SCAPER: variants seen among roughly 807,000 people sequenced by gnomAD.
The protein encoded by SCAPER is S-phase cyclin A associated protein in the ER.
A neutral mutation model predicts 182.2 loss-of-function variants in SCAPER; 98 were observed. The ratio of observed to expected loss-of-function variants is 0.54; its 90% confidence interval spans 0.46 to 0.64. SCAPER has a LOEUF of 0.64. SCAPER is among the 30% of genes least tolerant of loss of function. The pLI is 0.00. For synonymous variants in SCAPER, 605 were observed against 564.6 expected (o/e 1.07, Z -1.01); for missense variants, 1,432 against 1,690.0 (o/e 0.85, Z 2.68).
chr15:76,860,410 A>G (rs1440459318), intron 3 of SCAPER, among the ~76,000 whole-genome samples: 1 of 152,190 alleles, frequency 6.6e-6, no homozygotes. Flanking sequence ...TTTGTGATTC[A>G]AAACAATGTT....
chr15:76,605,594 A>G (rs897106520), intron 22 of SCAPER, among the ~76,000 whole-genome samples: 1 of 152,210 alleles, frequency 6.6e-6, no homozygotes, highest in Non-Finnish European at 1.5e-5. Flanking sequence ...TTTCAGAAGG[A>G]ATGGTAGCAG....
chr15:76,717,706 C>A (rs1433800715), intron 17 of SCAPER, among the ~76,000 whole-genome samples: 1 of 152,030 alleles, frequency 6.6e-6, no homozygotes, highest in East Asian at 1.9e-4. Flanking sequence ...ATAAAGAGAT[C>A]ATTATTTAAT....
Position 76,722,996 on chromosome 15 carries a change from C to T in SCAPER, c.2165+5599G>A, listed in dbSNP as rs527971503. ...CTTTTGAATGTGTTTGCTCTTGCTT[C>T]TCTGGTTCTTTTAATTGTGATGTTA... On this transcript the variant is annotated intron_variant, in intron 17 of 31. Transcript: ENST00000563290. Among the ~76,000 whole-genome samples the T allele has an allele frequency of 3.5e-4, 54 of 152,132 alleles. 3 individuals are homozygous for T. In the South Asian group the frequency reaches 0.011, roughly 32 times the overall value.
At chr15:76,826,420 G>T (rs2151684260) in intron 5 of SCAPER, among the ~76,000 whole-genome samples, 1 of 111,808 alleles carries the variant, frequency 8.9e-6, no homozygotes. Flanking sequence ...TGTGGGGTGG[G>T]GGGAGGGGGG....
intron 23 of SCAPER, among the ~76,000 whole-genome samples, chr15:76,547,211 T>C (rs1466073058): frequency 1.3e-5 from 2 of 152,162 alleles, no homozygotes; most frequent in Admixed American, 6.6e-5. Flanking sequence ...TTTAGTATTT[T>C]GAACTTTCAA....
chr15:76,432,152 C>A (rs1222965619), intron 26 of SCAPER, among the ~76,000 whole-genome samples: 3 of 152,144 alleles, frequency 2.0e-5, no homozygotes, highest in Admixed American at 1.3e-4. Context: ...CACAGGGTAG[C>A]CCAAGGGAGA....
intron 22 of SCAPER, among the ~76,000 whole-genome samples, chr15:76,607,460 C>T (rs1220839761): frequency 6.6e-6 from 1 of 152,154 alleles, no homozygotes; most frequent in Non-Finnish European, 1.5e-5. Flanking sequence ...TTTTTTCCTT[C>T]ATTTCAACTT....
intron 8 of SCAPER, among the ~76,000 whole-genome samples, chr15:76,790,276 A>C (rs1375407050): frequency 6.6e-6 from 1 of 151,962 alleles, no homozygotes; most frequent in Non-Finnish European, 1.5e-5. Flanking sequence ...ATAATGTTTT[A>C]ATTTCCTTGT....
Position 76,574,178 on chromosome 15 carries a change from T to C in SCAPER, c.2818A>G (p.Thr940Ala), listed in dbSNP as rs748378092. The change falls in exon 23 of 32, where the codon ACT becomes GCT. Residue 940 changes from threonine (T) to alanine (A), a missense_variant. By Grantham distance (58) the Thr-to-Ala change is moderately conservative. Coordinates refer to ENST00000563290, the MANE Select transcript of SCAPER (RefSeq NM_020843.4). ...CACACCTCTTTTTCCAGTATTCTAGTGATCTCTCCTAGGGTCCGATCCAAA... is the reference window on the plus strand; with the variant it reads ...CACACCTCTTTTTCCAGTATTCTAGCGATCTCTCCTAGGGTCCGATCCAAA... ...SALDRTLGEI[T>A]RILEKENVAD... The C allele has an allele frequency of 1.9e-6, 3 of 1,606,852 alleles. No individual in the cohort carries two copies. In the Admixed American group the frequency reaches 5.1e-5, roughly 27 times the overall value.
intron 22 of SCAPER, among the ~76,000 whole-genome samples, chr15:76,602,331 G>C (rs1383997091): frequency 8.3e-6 from 1 of 120,866 alleles, no homozygotes; most frequent in Non-Finnish European, 2.0e-5. Flanking sequence ...CCTCAATTTA[G>C]TTTATCTGAA....
intron 10 of SCAPER, among the ~76,000 whole-genome samples, chr15:76,770,609 A>G (rs1413154439): frequency 6.6e-6 from 1 of 152,172 alleles, no homozygotes; most frequent in East Asian, 1.9e-4. Context: ...GCAAGTTTAT[A>G]TATGTGATGA....
chr15:76,719,069 G>T (rs1277466485), intron 17 of SCAPER, among the ~76,000 whole-genome samples: 2 of 152,080 alleles, frequency 1.3e-5, no homozygotes, highest in Non-Finnish European at 2.9e-5. Flanking sequence ...AAAGGAAATG[G>T]AATCACCACC....
chr15:76,358,872 C>T (rs1361791612), intron 29 of SCAPER, among the ~76,000 whole-genome samples: 11 of 152,216 alleles, frequency 7.2e-5, no homozygotes, highest in Non-Finnish European at 1.5e-4. Flanking sequence ...CCTGGGCCAA[C>T]TGTCTGTCAG....
At chr15:76,400,737 G>T (rs1195104514) in intron 27 of SCAPER, among the ~76,000 whole-genome samples, 1 of 152,142 alleles carries the variant, frequency 6.6e-6, no homozygotes, top group Non-Finnish European at 1.5e-5. Flanking sequence ...TGTTTTTGTA[G>T]TAAGTCCTAC....
At chr15:76,498,994 T>C (rs2040862085) in intron 24 of SCAPER, among the ~76,000 whole-genome samples, 1 of 152,182 alleles carries the variant, frequency 6.6e-6, no homozygotes, top group Admixed American at 6.5e-5. Flanking sequence ...TGGGCATACC[T>C]TACAAAAAAG....
chr15:76,715,174 C>T lies in SCAPER; in HGVS notation c.2166-9190G>A, dbSNP rs1019563928. 4.0e-5 allele frequency among the ~76,000 whole-genome samples: 6 copies of T among 151,838 alleles called. 1 individual carries two copies. The highest frequency in any genetic ancestry group is 1.5e-4 in the African/African-American group (6 of 41,358). On this transcript the variant is annotated intron_variant, in intron 17 of 31. Transcript: ENST00000563290. ...GAAACAGTTGATACCTCCCCCAGAC[C>T]ACATACACCCCCGCCAATACTACTG...
chr15:76,677,103 A>C (rs920628713), intron 20 of SCAPER, among the ~76,000 whole-genome samples: 5 of 152,126 alleles, frequency 3.3e-5, no homozygotes, highest in African/African-American at 1.2e-4. Context: ...GACACAGTAG[A>C]TAAGACTGAC....
At chr15:76,493,423 A>AT (rs2052526130) in intron 24 of SCAPER, among the ~76,000 whole-genome samples, 1 of 152,228 alleles carries the variant, frequency 6.6e-6, no homozygotes, top group Non-Finnish European at 1.5e-5. Context: ...CCACAGAGAC[A>AT]TTCTAACTTT....
chr15:76,660,000 T>G (rs956722638), intron 21 of SCAPER, among the ~76,000 whole-genome samples: 1 of 152,158 alleles, frequency 6.6e-6, no homozygotes, highest in Non-Finnish European at 1.5e-5. Context: ...TAAATGCCTA[T>G]CAATGGGAGA....
Sources: allele counts gnomAD v4.1 joint callset (sites outside exome capture counted in the v4.1 genomes callset), GRCh38; gene constraint gnomAD v4.1.1; transcripts MANE v1.5; gene names NCBI Gene and HGNC (gene_info 2026-07-23, HGNC 2026-07-21).